The following ADORA2B variants were observed in gnomAD, a reference collection of about 807,000 sequenced individuals.
The protein encoded by ADORA2B is adenosine A2b receptor, also known as adenosine receptor A2b.
Under a neutral mutation model 20.8 loss-of-function variants are expected in ADORA2B, and 18 were observed. That is an observed-to-expected ratio of 0.87 (90% CI 0.60 to 1.29). The LOEUF is 1.29. Among genes scored for constraint, ADORA2B ranks in the 50% most tolerant of loss-of-function variants. The probability of loss-of-function intolerance (pLI) is 0.00; values close to 1 mark genes in which losing one functional copy is unlikely to be tolerated. For synonymous variants in ADORA2B, 179 were observed against 178.3 expected (o/e 1.00, Z -0.03); for missense variants, 441 against 422.7 (o/e 1.04, Z -0.38).
At chr17:15,893,196 G>A in the ADORA2B span, among the ~76,000 whole-genome samples, 21 of 152,284 alleles carry the variant, frequency 1.4e-4, no homozygotes, top group South Asian at 4.1e-4. Flanking sequence ...AGACCTAACC[G>A]GTTTTGGAGA....
At chr17:15,916,113 A>G in the ADORA2B span, among the ~76,000 whole-genome samples, 2 of 152,026 alleles carry the variant, frequency 1.3e-5, no homozygotes, top group Non-Finnish European at 2.9e-5. Context: ...GGCACTCACT[A>G]TGGCTGCCTG....
At chr17:15,902,353 G>A in the ADORA2B span, among the ~76,000 whole-genome samples, 10 of 151,892 alleles carry the variant, frequency 6.6e-5, no homozygotes, top group Non-Finnish European at 1.2e-4. Flanking sequence ...ACAGGCCTGC[G>A]CCATCATGCC....
At chr17:15,899,187 A>G in the ADORA2B span, among the ~76,000 whole-genome samples, 2 of 151,904 alleles carry the variant, frequency 1.3e-5, no homozygotes, top group African/African-American at 2.4e-5. Flanking sequence ...CCAAGATAGC[A>G]CCACTGCACT....
chr17:15,878,424 C>T, the ADORA2B span, among the ~76,000 whole-genome samples: 36 of 152,236 alleles, frequency 2.4e-4, no homozygotes, highest in African/African-American at 3.9e-4. Context: ...GATCTGAATG[C>T]GGCACAACAT....
At chr17:15,903,545 T>C in the ADORA2B span, among the ~76,000 whole-genome samples, 7 of 152,160 alleles carry the variant, frequency 4.6e-5, no homozygotes, top group Non-Finnish European at 1.0e-4. Context: ...GCACCTATGC[T>C]TCAAAATTGC....
intron 1 of ADORA2B, among the ~76,000 whole-genome samples, chr17:15,968,740 C>T (rs1031589445): frequency 1.3e-5 from 2 of 152,172 alleles, no homozygotes; most frequent in African/African-American, 4.8e-5. Flanking sequence ...CTTTCTGAGC[C>T]TTGGCTTCCA....
At chr17:15,953,809 C>T (rs540397161) in intron 1 of ADORA2B, among the ~76,000 whole-genome samples, 1 of 152,304 alleles carries the variant, frequency 6.6e-6, no homozygotes, top group South Asian at 2.1e-4. Flanking sequence ...TGGAAAGAAG[C>T]TGACACTGCA....
At chr17:15,884,826 G>C in the ADORA2B span, among the ~76,000 whole-genome samples, 1 of 152,098 alleles carries the variant, frequency 6.6e-6, no homozygotes, top group African/African-American at 2.4e-5. Context: ...ATCATTGATG[G>C]GCATTTGGGC....
chr17:15,928,513 T>G, the ADORA2B span, among the ~76,000 whole-genome samples: 2 of 151,946 alleles, frequency 1.3e-5, no homozygotes, highest in East Asian at 3.9e-4. Flanking sequence ...CTACAGCCGG[T>G]GCAGCTGTAC....
upstream of ADORA2B, chr17:15,945,087 C>T (rs1162439799): frequency 1.9e-6 from 1 of 533,176 alleles, no homozygotes; most frequent in South Asian, 9.3e-5. Context: ...CGGGGGGCCC[C>T]GACCCGTGGG....
At chr17:15,904,868 T>C in the ADORA2B span, among the ~76,000 whole-genome samples, 3 of 152,232 alleles carry the variant, frequency 2.0e-5, no homozygotes, top group Admixed American at 2.0e-4. Context: ...GTTGACTATA[T>C]TTGTGTGGTT....
rs758434013 is a variant in ADORA2B at position 15,945,420 on chromosome 17, C to G, written c.172C>G (p.Leu58Val). The change falls in exon 1 of 2, where the codon CTC becomes GTC. Residue 58 changes from leucine to valine, a missense_variant. Transcript: ENST00000304222. ...SLAAADVAVG[L>V]FAIPFAITIS... The stretch of plus-strand genomic sequence containing the variant: ...GGCTGCGGCCGACGTGGCCGTGGGG[C>G]TCTTCGCCATCCCCTTTGCCATCAC... 1.2e-6 allele frequency: 2 copies of G among 1,613,480 alleles called. No individual in the cohort carries two copies. The highest frequency in any genetic ancestry group is 2.7e-5 in the African/African-American group (2 of 74,936).
chr17:15,959,494 A>ATTT (rs56097835), intron 1 of ADORA2B, among the ~76,000 whole-genome samples: 13 of 75,926 alleles, frequency 1.7e-4, no homozygotes, highest in South Asian at 5.6e-4. Context: ...TCACATTCTG[A>ATTT]TTTTTTTTTT....
the ADORA2B span, among the ~76,000 whole-genome samples, chr17:15,856,062 TCTCGAATTGTAATCTC>T: frequency 6.6e-6 from 1 of 152,080 alleles, no homozygotes; most frequent in African/African-American, 2.4e-5. Context: ...CCAAATCTCA[TCTCGAATTGTAATCTC>T]CATAATCCCC....
the ADORA2B span, among the ~76,000 whole-genome samples, chr17:15,867,720 GCGCC>G: frequency 2.1e-4 from 32 of 150,292 alleles, no homozygotes; most frequent in African/African-American, 7.6e-4. Context: ...GAGGTGAGGG[GCGCC>G]TCTGCCCGGC....
intron 1 of ADORA2B, among the ~76,000 whole-genome samples, chr17:15,958,546 G>A (rs368673436): frequency 1.3e-5 from 2 of 151,974 alleles, no homozygotes; most frequent in African/African-American, 4.8e-5. Context: ...TCTCTCCCTT[G>A]CCCCTACTCC....
chr17:15,917,464 C>T, the ADORA2B span, among the ~76,000 whole-genome samples: 1 of 152,208 alleles, frequency 6.6e-6, no homozygotes, highest in South Asian at 2.1e-4. Context: ...GGGCTGCGGC[C>T]GCCCATCCTG....
the ADORA2B span, among the ~76,000 whole-genome samples, chr17:15,926,764 A>T: frequency 1.3e-5 from 2 of 152,088 alleles, no homozygotes; most frequent in African/African-American, 4.8e-5. Context: ...TGAGCTCAAG[A>T]CTGAGACCAG....
In ADORA2B at chr17:15,974,614, G is replaced by A. The variant is rs1259269598; in HGVS notation, c.336-65G>A. 8 of 1,404,448 alleles carry A rather than the reference G, an allele frequency of 5.7e-6. No individual in the cohort carries two copies. In the African/African-American group the frequency reaches 1.1e-4, roughly 20 times the overall value. 87.0% of individuals were successfully genotyped at this position (1,404,448 alleles called of 1,614,324 possible). On this transcript the variant is annotated intron_variant, in intron 1 of 1. Coordinates refer to ENST00000304222, the MANE Select transcript of ADORA2B (RefSeq NM_000676.4). ...AGGGTCATGGAAAAAAGAGGAGGTG[G>A]GGTCTTGGATTGTGGTTGCAGAGCG... is the stretch of plus-strand genomic sequence containing the variant.
Sources: allele counts gnomAD v4.1 joint callset (sites outside exome capture counted in the v4.1 genomes callset), GRCh38; gene constraint gnomAD v4.1.1; transcripts MANE v1.5; gene names NCBI Gene and HGNC (gene_info 2026-07-23, HGNC 2026-07-21).